WFS1: variants seen among roughly 807,000 people sequenced by gnomAD.
WFS1 encodes the protein wolframin.
A neutral mutation model predicts 68.5 loss-of-function variants in WFS1; 90 were observed. The ratio of observed to expected loss-of-function variants is 1.31; its 90% CI spans 1.11 to 1.56. WFS1 has a LOEUF of 1.56. Among genes scored for constraint, WFS1 ranks in the 40% most tolerant of loss-of-function variants. The pLI, the probability that WFS1 is intolerant of heterozygous loss-of-function variation, is 0.00. For missense variants in WFS1, 1,767 were observed against 1,232.6 expected (o/e 1.43, Z -6.49); for synonymous variants, 860 against 540.7 (o/e 1.59, Z -8.19).
Position 6,301,929 on chromosome 4 carries a change from A to C in WFS1, c.2134A>C (p.Ile712Leu). Residue 712 changes from isoleucine to leucine, a missense_variant, in exon 8 of 8, where the codon ATC (isoleucine) becomes CTC (leucine). Transcript: ENST00000226760. ...GRFKYVRVTD[I>L]DNSAESAINM... is the part of the protein sequence containing the mutation. ...CTTCAAGTACGTCCGCGTGACTGAC[A>C]TCGACAACAGCGCCGAGTCTGCCAT... 6.2e-7 allele frequency: 1 copy of C among 1,612,916 alleles called. No individual in the cohort carries two copies. The highest frequency in any genetic ancestry group is 1.3e-5 in the African/African-American group (1 of 75,042).
In WFS1 at chr4:6,286,168, G is replaced by A. The variant is rs146517723; in HGVS notation, c.233-925G>A. 2.5e-3 allele frequency among the ~76,000 whole-genome samples: 388 copies of A among 152,258 alleles called. 3 individuals are homozygous for A. The highest frequency in any genetic ancestry group is 8.9e-3 in the African/African-American group (371 of 41,562). ...AATGGTGAGCTGACTGCAGCGCATC[G>A]TGGGAAGCCAGAGAACAATCCACTG... On this transcript the variant is annotated intron_variant, in intron 2 of 7. Transcript: ENST00000226760.
chr4:6,298,292 A>G lies in WFS1; in HGVS notation c.862-2365A>G, dbSNP rs551610817. On this transcript the variant is annotated intron_variant, in intron 7 of 7. Coordinates refer to ENST00000226760, the MANE Select transcript of WFS1 (RefSeq NM_006005.3). ...CGTCATACTACAGGGGCTTGCCCCA[A>G]ACAAACCCTGGAGTAGGTTGGTTTT... Among the ~76,000 whole-genome samples, 4 of 152,324 alleles carry G rather than the reference A, an allele frequency of 2.6e-5. No homozygotes were observed. The East Asian group carries it at 7.7e-4, about 29-fold the overall frequency.
chr4:6,278,078 G>A (rs935849711), intron 2 of WFS1, among the ~76,000 whole-genome samples: 5 of 152,258 alleles, frequency 3.3e-5, no homozygotes, highest in Admixed American at 2.6e-4. Context: ...ACATGCGGGC[G>A]AAGCCCTTGG....
At chr4:6,282,385 A>G (rs1026491460) in intron 2 of WFS1, among the ~76,000 whole-genome samples, 1 of 152,028 alleles carries the variant, frequency 6.6e-6, no homozygotes, top group Non-Finnish European at 1.5e-5. Context: ...TTTTCTTTCT[A>G]CCTTTCCCTT....
At chr4:6,292,904 C>T (rs1359611927) in intron 6 of WFS1, among the ~76,000 whole-genome samples, 1 of 152,232 alleles carries the variant, frequency 6.6e-6, no homozygotes, top group Non-Finnish European at 1.5e-5. Context: ...CACCTTCCCA[C>T]TGGGCCCGTG....
Position 6,277,510 on chromosome 4 carries a change from C to T in WFS1, c.55C>T (p.Pro19Ser), listed in dbSNP as rs764089070. ...CTCCTGCCCACAGCCCCCGCCAGCACCGCAGCCCCAGGCGCGTTCCCGACT... is the reference window on the plus strand; with the variant it reads ...CTCCTGCCCACAGCCCCCGCCAGCATCGCAGCCCCAGGCGCGTTCCCGACT... Reference protein sequence around the residue: ...GPSCPQPPPAPQPQARSRLNA... With the variant: ...GPSCPQPPPASQPQARSRLNA... Residue 19 changes from proline (P) to serine (S), a missense_variant, in exon 2 of 8, where the codon CCG becomes TCG. Pro to Ser is a moderately conservative substitution (Grantham distance 74). Coordinates refer to ENST00000226760, the MANE Select transcript of WFS1 (RefSeq NM_006005.3). The T allele has an allele frequency of 2.5e-6, 4 of 1,580,816 alleles. No homozygotes were observed. Among genetic ancestry groups the T allele is most frequent in the Non-Finnish European group, 2.6e-6 (3 of 1,164,104 alleles).
In WFS1 at chr4:6,269,949, C is replaced by G. The variant is rs1729751110; in HGVS notation, c.-71C>G. The G allele has an allele frequency of 6.6e-6, 1 of 152,178 alleles. No homozygotes were observed. Among genetic ancestry groups the G allele is most frequent in the Admixed American group, 6.5e-5 (1 of 15,286 alleles). 9.4% of individuals were successfully genotyped at this position (152,178 alleles called of 1,614,324 possible). ...TGCGCCGCGTTCAGCTGCTCCCGAA[C>G]AACTTTTCTGCCGGCCCAGAGGCCC... is the stretch of plus-strand genomic sequence containing the variant. On this transcript the variant is annotated 5_prime_UTR_variant, in exon 1 of 8. Transcript: ENST00000226760.
chr4:6,291,355 G>T lies in WFS1; in HGVS notation c.619G>T (p.Val207Phe), dbSNP rs1226610576. ...VAELLENVGQ[V>F]NEHDGGAQPG... is the part of the protein sequence containing the mutation. ...GGAGCTGCTGGAGAATGTCGGCCAG[G>T]TCAACGAGCACGGTGCGAGGATTCA... Residue 207 changes from valine (V) to phenylalanine (F), a missense_variant, in exon 5 of 8, where the codon GTC becomes TTC. Coordinates refer to ENST00000226760, the MANE Select transcript of WFS1 (RefSeq NM_006005.3). 8 of 1,612,726 alleles carry T rather than the reference G, an allele frequency of 5.0e-6. No homozygotes were observed. The highest frequency in any genetic ancestry group is 2.7e-5 in the African/African-American group (2 of 74,924).
chr4:6,298,926 C>T (rs1730736513), intron 7 of WFS1, among the ~76,000 whole-genome samples: 1 of 152,202 alleles, frequency 6.6e-6, no homozygotes, highest in South Asian at 2.1e-4. Flanking sequence ...ATGGGGGGCT[C>T]CAGCCTGGAT....
chr4:6,270,434 T>C (rs1040697924), intron 1 of WFS1, among the ~76,000 whole-genome samples: 2 of 148,876 alleles, frequency 1.3e-5, no homozygotes, highest in African/African-American at 4.9e-5. Context: ...CGCCCGGCCG[T>C]TGGAACGCGC....
At position 6,302,311 on chromosome 4, in the gene WFS1, T is replaced by G. The variant is rs761114952; in HGVS notation, c.2516T>G (p.Val839Gly). 6.2e-7 allele frequency: 1 copy of G among 1,611,266 alleles called. No homozygotes were observed. The highest frequency in any genetic ancestry group is 8.5e-7 in the Non-Finnish European group (1 of 1,179,024). ...GGCCGCCTGGGCAGCAAGTGGCCTGTCTTCGAGCTCAAGGCCATCAGCTGC... is the reference window on the plus strand; with the variant it reads ...GGCCGCCTGGGCAGCAAGTGGCCTGGCTTCGAGCTCAAGGCCATCAGCTGC... ...LEGRLGSKWPVFELKAISCLN... is the reference protein window; with the variant it reads ...LEGRLGSKWPGFELKAISCLN... The change falls in exon 8 of 8, where the codon GTC becomes GGC. Residue 839 changes from valine (V) to glycine (G), a missense_variant. Transcript: ENST00000226760.
intron 3 of WFS1, 171 bp from the exon 4 acceptor site, chr4:6,288,816 G>A (rs190219994): frequency 6.1e-6 from 6 of 987,476 alleles, no homozygotes; most frequent in Non-Finnish European, 9.3e-6. Flanking sequence ...CGAGTGGCCG[G>A]AGGCTCAGTA....
At chr4:6,272,792 A>T (rs1729876495) in intron 1 of WFS1, among the ~76,000 whole-genome samples, 1 of 152,150 alleles carries the variant, frequency 6.6e-6, no homozygotes. Context: ...TTCATCCTAA[A>T]CAGACTCCGG....
At chr4:6,274,090 A>G (rs900660887) in intron 1 of WFS1, among the ~76,000 whole-genome samples, 9 of 149,260 alleles carry the variant, frequency 6.0e-5, no homozygotes, top group Admixed American at 4.7e-4. Context: ...TTTGTCACCC[A>G]GGCTGGAGTG....
intron 4 of WFS1, among the ~76,000 whole-genome samples, chr4:6,290,932 A>G (rs1730442883): frequency 6.6e-6 from 1 of 152,204 alleles, no homozygotes; most frequent in Non-Finnish European, 1.5e-5. Flanking sequence ...GGGGAGGAAC[A>G]GGAAGAGGCT....
At chr4:6,277,267 C>A (rs1178310338) in intron 1 of WFS1, among the ~76,000 whole-genome samples, 184 bp from the exon 2 acceptor site, 2 of 152,226 alleles carry the variant, frequency 1.3e-5, no homozygotes, top group African/African-American at 4.8e-5. Flanking sequence ...GAGTGTCCTC[C>A]CATGGTTTCC....
chr4:6,279,371 C>T (rs1370765349), intron 2 of WFS1, among the ~76,000 whole-genome samples: 2 of 152,208 alleles, frequency 1.3e-5, no homozygotes, highest in Non-Finnish European at 2.9e-5. Flanking sequence ...GAGGCAGGCT[C>T]TGCTGCTGCC....
Position 6,302,791 on chromosome 4 carries a change from C to T in WFS1, c.*323C>T, listed in dbSNP as rs905988909. 3 of 453,902 alleles carry T rather than the reference C, an allele frequency of 6.6e-6. No homozygotes were observed. The highest frequency in any genetic ancestry group is 1.2e-5 in the Non-Finnish European group (3 of 253,528). The allele number at this position is 453,902 out of a possible 1,614,324, so 28.1% of individuals were successfully genotyped here. A position where few individuals can be genotyped will look rare whatever the true frequency, so the allele number is the denominator to read the frequency against. Reference sequence around the variant, plus strand: ...AAAAGCACTTTACAGATGAGATTCCCTCTCCTCCCCCACCTTCAAGCACCC... The same window carrying T: ...AAAAGCACTTTACAGATGAGATTCCTTCTCCTCCCCCACCTTCAAGCACCC... On this transcript the variant is annotated 3_prime_UTR_variant, in exon 8 of 8. Transcript: ENST00000226760.
chr4:6,295,707 A>G (rs78016261), intron 7 of WFS1, among the ~76,000 whole-genome samples: 2,087 of 152,326 alleles, frequency 0.014, 53 homozygotes, highest in African/African-American at 0.047. Context: ...ACACTTGTGC[A>G]GGGTGCCATT....
Sources: allele counts gnomAD v4.1 joint callset (sites outside exome capture counted in the v4.1 genomes callset), GRCh38; gene constraint gnomAD v4.1.1; transcripts MANE v1.5; gene names NCBI Gene and HGNC (gene_info 2026-07-23, HGNC 2026-07-21).